TMTC1: variants seen among roughly 807,000 people sequenced by gnomAD.
TMTC1 encodes the protein transmembrane O-mannosyltransferase targeting cadherins 1.
In TMTC1, 73 loss-of-function variants were observed where a neutral mutation model predicts 104.8. The observed-to-expected ratio is 0.70, with a 90% confidence interval of 0.58 to 0.85. TMTC1 has a LOEUF of 0.85. TMTC1 is among the 40% of genes least tolerant of loss of function. The probability of loss-of-function intolerance (pLI) is 0.00; values close to 1 mark genes in which losing one functional copy is unlikely to be tolerated. For missense variants in TMTC1, 1,035 were observed against 1,096.1 expected (o/e 0.94, Z 0.79); for synonymous variants, 434 against 428.7 (o/e 1.01, Z -0.15).
intron 7 of TMTC1, among the ~76,000 whole-genome samples, chr12:29,592,203 AT>A (rs1454773674): frequency 6.6e-6 from 1 of 152,176 alleles, no homozygotes; most frequent in Non-Finnish European, 1.5e-5. Flanking sequence ...AGAATTCCCA[AT>A]TTTAGAGAAT....
At chr12:29,514,356 C>A in intron 16 of TMTC1, 126 bp downstream of exon 16, 1 of 955,814 alleles carries the variant, frequency 1.0e-6, no homozygotes, top group Non-Finnish European at 1.4e-6. Flanking sequence ...TTAAAAAAAA[C>A]TCACTCACTC....
At chr12:29,512,462 G>A (rs563731987) in intron 16 of TMTC1, among the ~76,000 whole-genome samples, 3 of 152,232 alleles carry the variant, frequency 2.0e-5, no homozygotes, top group African/African-American at 7.2e-5. Context: ...CACTGCAAAT[G>A]GAATTGGTAA....
At chr12:29,776,763 T>A (rs1483644852) in intron 1 of TMTC1, among the ~76,000 whole-genome samples, 1 of 152,136 alleles carries the variant, frequency 6.6e-6, no homozygotes, top group East Asian at 1.9e-4. Context: ...TTTGATCACC[T>A]GGCCACCAGG....
chr12:29,513,672 G>A (rs1350369277), intron 16 of TMTC1, among the ~76,000 whole-genome samples: 5 of 152,134 alleles, frequency 3.3e-5, no homozygotes, highest in Non-Finnish European at 7.3e-5. Flanking sequence ...TAAGGAGAAA[G>A]TATGTAACAT....
chr12:29,620,842 G>A (rs1473543331), intron 6 of TMTC1, among the ~76,000 whole-genome samples: 2 of 152,204 alleles, frequency 1.3e-5, no homozygotes, highest in Non-Finnish European at 2.9e-5. Flanking sequence ...TGAGAGCAGG[G>A]AGAAGAGGCT....
At chr12:29,583,647 A>C (rs1159023664) in intron 7 of TMTC1, 73 bp from the exon 8 acceptor site, 1 of 1,378,080 alleles carries the variant, frequency 7.3e-7, no homozygotes, top group Non-Finnish European at 9.9e-7. Flanking sequence ...ATCTCCTACA[A>C]AACTAACTTT....
At chr12:29,753,001 TA>T (rs1215372216) in intron 4 of TMTC1, among the ~76,000 whole-genome samples, 3 of 152,224 alleles carry the variant, frequency 2.0e-5, no homozygotes, top group Non-Finnish European at 4.4e-5. Context: ...TCTTTCCTCC[TA>T]AAGATGATGT....
At chr12:29,754,460 C>CAGCT (rs1943168359) in intron 4 of TMTC1, among the ~76,000 whole-genome samples, 1 of 152,096 alleles carries the variant, frequency 6.6e-6, no homozygotes, top group South Asian at 2.1e-4. Flanking sequence ...CATCTGCAGT[C>CAGCT]AGCTGTCTTA....
chr12:29,673,863 G>A (rs940227978), intron 5 of TMTC1, among the ~76,000 whole-genome samples: 3 of 146,208 alleles, frequency 2.1e-5, no homozygotes, highest in Non-Finnish European at 4.5e-5. Context: ...AGGTTCAAGC[G>A]ATTCCCCTGC....
chr12:29,778,923 G>A (rs1448810513), intron 1 of TMTC1, among the ~76,000 whole-genome samples: 1 of 152,324 alleles, frequency 6.6e-6, no homozygotes, highest in East Asian at 1.9e-4. Flanking sequence ...CTGGAAGAGA[G>A]GGTGAATGGA....
At chr12:29,690,224 G>C (rs1941226229) in intron 5 of TMTC1, among the ~76,000 whole-genome samples, 1 of 152,204 alleles carries the variant, frequency 6.6e-6, no homozygotes, top group African/African-American at 2.4e-5. Flanking sequence ...TAGAGTAACA[G>C]ACTCAGAGGA....
intron 5 of TMTC1, among the ~76,000 whole-genome samples, chr12:29,706,987 G>C (rs967586352): frequency 6.6e-6 from 1 of 152,198 alleles, no homozygotes; most frequent in Non-Finnish European, 1.5e-5. Flanking sequence ...GTGGAAAACA[G>C]AAGAAAGTTA....
intron 10 of TMTC1, among the ~76,000 whole-genome samples, chr12:29,544,913 G>T (rs2136225506): frequency 6.6e-6 from 1 of 152,290 alleles, no homozygotes; most frequent in Admixed American, 6.5e-5. Flanking sequence ...GTTGAATGAT[G>T]TGTTAGATGC....
At chr12:29,584,055 C>CTCACT (rs1251836232) in intron 7 of TMTC1, among the ~76,000 whole-genome samples, 7 of 152,108 alleles carry the variant, frequency 4.6e-5, no homozygotes, top group Non-Finnish European at 1.0e-4. Flanking sequence ...TGCTGGTCAC[C>CTCACT]AAGGAGGACT....
At chr12:29,507,844 T>C (rs10492308) in intron 17 of TMTC1, among the ~76,000 whole-genome samples, 12,418 of 152,292 alleles carry the variant, frequency 0.082, 560 homozygotes, top group African/African-American at 0.1. Flanking sequence ...CTAAGATTGT[T>C]GGAGTTCCCC....
intron 1 of TMTC1, 31 bp from the exon 2 acceptor site, chr12:29,768,106 G>A (rs967192195): frequency 1.3e-6 from 2 of 1,485,796 alleles, no homozygotes; most frequent in African/African-American, 1.4e-5. Flanking sequence ...GAAAAAAACT[G>A]CATTAGCTAC....
intron 6 of TMTC1, among the ~76,000 whole-genome samples, chr12:29,626,952 A>G (rs1938027604): frequency 6.6e-6 from 1 of 152,030 alleles, no homozygotes; most frequent in African/African-American, 2.4e-5. Flanking sequence ...AATACAAAAA[A>G]TTAGCTGGGC....
At chr12:29,579,593 A>T (rs1945919668) in intron 8 of TMTC1, among the ~76,000 whole-genome samples, 1 of 152,200 alleles carries the variant, frequency 6.6e-6, no homozygotes, top group African/African-American at 2.4e-5. Context: ...GCTGGATGCG[A>T]AAGGAAATAT....
Position 29,518,585 on chromosome 12 carries a change from G to A in TMTC1, c.1911C>T (p.Ala637=). 1 of 1,614,052 alleles carries A rather than the reference G, an allele frequency of 6.2e-7. No homozygotes were observed. The highest frequency in any genetic ancestry group is 8.5e-7 in the Non-Finnish European group (1 of 1,179,942). ...TAAGTTTGATGGCCTGCTGGTAATGGGCCACTGCCTTTTCTGGTAAGCCTG... is the reference window on the plus strand; with the variant it reads ...TAAGTTTGATGGCCTGCTGGTAATGAGCCACTGCCTTTTCTGGTAAGCCTG... ...VDTGLPEKAV[A]HYQQAIKLSP... Residue 637 remains alanine, a synonymous_variant, in exon 13 of 18, where the codon GCC becomes GCT. Transcript: ENST00000539277.
Sources: gnomAD v4.1 joint callset for allele counts (sites outside exome capture counted in the v4.1 genomes callset) on GRCh38, gnomAD v4.1.1 for gene constraint, MANE v1.5 for transcripts, NCBI Gene and HGNC (gene_info 2026-07-23, HGNC 2026-07-21) for gene names.